The following NEGR1 variants were observed in gnomAD, a reference collection of about 807,000 sequenced individuals.
The protein encoded by NEGR1 is neuronal growth regulator 1.
A neutral mutation model predicts 40.9 loss-of-function variants in NEGR1; 10 were observed. The observed-to-expected ratio is 0.24, with a 90% confidence interval of 0.15 to 0.42. NEGR1 has a LOEUF of 0.42. Ranked by LOEUF, NEGR1 falls within the 10% of genes least tolerant of loss-of-function variation. The pLI is 1.00. For synonymous variants in NEGR1, 185 were observed against 166.8 expected, an observed-to-expected ratio of 1.11 and a Z score of -0.84; for missense variants, 352 against 438.9, an observed-to-expected ratio of 0.80 and a Z score of 1.77.
chr1:72,154,992 G>C lies in NEGR1; in HGVS notation c.176+127327C>G, dbSNP rs924203126. On this transcript the variant is annotated intron_variant, in intron 1 of 6. Transcript: ENST00000357731. ...TTATAGAAAAACTCTGCAAATTCTT[G>C]TCCCCTAGTGAAAAAAATACATGGT... Among the ~76,000 whole-genome samples the C allele has an allele frequency of 2.0e-5, 3 of 151,934 alleles. No homozygotes were observed. In the South Asian group the frequency reaches 6.2e-4, roughly 32 times the overall value.
At chr1:71,490,724 A>G (rs1394480730) in intron 6 of NEGR1, among the ~76,000 whole-genome samples, 2 of 151,912 alleles carry the variant, frequency 1.3e-5, no homozygotes, top group Non-Finnish European at 2.9e-5. Context: ...CAGAAGAAAA[A>G]ATTGCTTATC....
At chr1:71,659,852 AG>A (rs1651999412) in intron 4 of NEGR1, among the ~76,000 whole-genome samples, 1 of 152,200 alleles carries the variant, frequency 6.6e-6, no homozygotes, top group African/African-American at 2.4e-5. Context: ...TGTGGAGAAA[AG>A]GGAACACTTA....
At chr1:72,062,444 A>T (rs1277630131) in intron 1 of NEGR1, among the ~76,000 whole-genome samples, 1 of 151,924 alleles carries the variant, frequency 6.6e-6, no homozygotes, top group Non-Finnish European at 1.5e-5. Context: ...ATTTATATCT[A>T]TCTCTCTTTG....
intron 1 of NEGR1, among the ~76,000 whole-genome samples, chr1:72,254,556 G>A (rs912517754): frequency 6.6e-6 from 1 of 151,910 alleles, no homozygotes; most frequent in African/African-American, 2.4e-5. Context: ...CAAAAAATTA[G>A]CTGGGTGTGG....
chr1:71,986,373 A>G (rs1287104078), intron 1 of NEGR1, among the ~76,000 whole-genome samples: 1 of 152,120 alleles, frequency 6.6e-6, no homozygotes, highest in Non-Finnish European at 1.5e-5. Context: ...TTTCGTTTCT[A>G]CTTCTTTGAA....
At chr1:71,761,280 G>C (rs115279606) in intron 3 of NEGR1, among the ~76,000 whole-genome samples, 1 of 152,238 alleles carries the variant, frequency 6.6e-6, no homozygotes, top group African/African-American at 2.4e-5. Context: ...TAGAGTTAAA[G>C]CGGCCATAGA....
intron 1 of NEGR1, among the ~76,000 whole-genome samples, chr1:71,944,593 G>C (rs760407828): frequency 6.6e-6 from 1 of 152,004 alleles, no homozygotes; most frequent in South Asian, 2.1e-4. Context: ...ATGGATATAC[G>C]GAAAGGTTCT....
At chr1:71,779,885 A>G (rs1050543524) in intron 2 of NEGR1, among the ~76,000 whole-genome samples, 2 of 151,950 alleles carry the variant, frequency 1.3e-5, no homozygotes, top group Admixed American at 6.6e-5. Flanking sequence ...ACTATTAATA[A>G]CCTTAAGGTA....
intron 1 of NEGR1, among the ~76,000 whole-genome samples, chr1:71,970,021 A>G (rs577375125): frequency 8.7e-4 from 133 of 152,248 alleles, no homozygotes; most frequent in Non-Finnish European, 1.6e-3. Context: ...CCCACAAATG[A>G]CTGTAAGGTT....
chr1:71,629,662 A>G (rs1650907782), intron 4 of NEGR1, among the ~76,000 whole-genome samples: 1 of 152,048 alleles, frequency 6.6e-6, no homozygotes, highest in Non-Finnish European at 1.5e-5. Context: ...GAAGATAAGA[A>G]GTCAAACTGT....
chr1:72,083,448 T>A (rs1648084322), intron 1 of NEGR1, among the ~76,000 whole-genome samples: 1 of 152,132 alleles, frequency 6.6e-6, no homozygotes, highest in Non-Finnish European at 1.5e-5. Context: ...AACCTCGAAA[T>A]CCTGAGCTTA....
In NEGR1 at chr1:72,266,816, A is replaced by G. The variant is rs1316097863; in HGVS notation, c.176+15503T>C. On this transcript the variant is annotated intron_variant, in intron 1 of 6. Transcript: ENST00000357731. ...ATTGAGCTAAATTCAGAGAATAAAT[A>G]GAACTTGAAAATTATTAAAACCCTT... 1.3e-5 allele frequency among the ~76,000 whole-genome samples: 2 copies of G among 150,804 alleles called. 1 individual carries two copies. Among genetic ancestry groups the G allele is most frequent in the East Asian group, 3.9e-4 (2 of 5,152 alleles).
intron 1 of NEGR1, among the ~76,000 whole-genome samples, chr1:72,034,836 C>T (rs1168206587): frequency 1.3e-5 from 2 of 152,184 alleles, no homozygotes; most frequent in East Asian, 3.9e-4. Context: ...TTTAATAAAA[C>T]GCAGCCCCAA....
At position 71,894,234 on chromosome 1, in the gene NEGR1, A is replaced by T. The variant is rs539155109; in HGVS notation, c.409+40845T>A. Among the ~76,000 whole-genome samples, 1,190 of 147,810 alleles carry T rather than the reference A, an allele frequency of 8.1e-3. 8 individuals carry two copies. Among genetic ancestry groups the T allele is most frequent in the Non-Finnish European group, 0.011 (734 of 66,952 alleles). On this transcript the variant is annotated intron_variant, in intron 2 of 6. Coordinates refer to ENST00000357731, the MANE Select transcript of NEGR1 (RefSeq NM_173808.3). ...ACTTAAAGTATAATAATAATAATAA[A>T]AAAAGAAAAAAAAAAAAAGAATGGA... is the stretch of plus-strand genomic sequence containing the variant.
chr1:72,201,711 G>A (rs1653219029), intron 1 of NEGR1, among the ~76,000 whole-genome samples: 1 of 151,478 alleles, frequency 6.6e-6, no homozygotes, highest in South Asian at 2.1e-4. Flanking sequence ...TGAAATTCAG[G>A]GTATGTGATT....
chr1:72,047,139 G>A (rs1178949597), intron 1 of NEGR1, among the ~76,000 whole-genome samples: 1 of 143,854 alleles, frequency 7.0e-6, no homozygotes, highest in Non-Finnish European at 1.5e-5. Context: ...GTTTTGTTTT[G>A]TTTTTTTTTT....
chr1:71,437,690 A>G (rs1365914467), intron 6 of NEGR1, among the ~76,000 whole-genome samples: 1 of 152,176 alleles, frequency 6.6e-6, no homozygotes, highest in Non-Finnish European at 1.5e-5. Context: ...GGTCAGGTTA[A>G]GCATGAGATC....
chr1:71,576,330 T>C (rs1007371774), intron 6 of NEGR1, among the ~76,000 whole-genome samples: 2 of 152,136 alleles, frequency 1.3e-5, no homozygotes, highest in African/African-American at 4.8e-5. Context: ...TATTCCACCA[T>C]AGTATTTTGG....
chr1:71,492,361 A>G (rs1214939719), intron 6 of NEGR1, among the ~76,000 whole-genome samples: 1 of 152,010 alleles, frequency 6.6e-6, no homozygotes, highest in Non-Finnish European at 1.5e-5. Context: ...TAGTGTCAGT[A>G]CCTCTTGAAA....
Sources: allele counts gnomAD v4.1 joint callset (sites outside exome capture counted in the v4.1 genomes callset), GRCh38; gene constraint gnomAD v4.1.1; transcripts MANE v1.5; gene names NCBI Gene and HGNC (gene_info 2026-07-23, HGNC 2026-07-21).